The following ZNF267 variants were observed in gnomAD, a reference collection of about 807,000 sequenced individuals.
The protein encoded by ZNF267 is zinc finger (C2H2).
Under a neutral mutation model 71.6 loss-of-function variants are expected in ZNF267, and 61 were observed. The ratio of observed to expected loss-of-function variants is 0.85; its 90% CI spans 0.69 to 1.05. ZNF267 has a LOEUF of 1.05. Among genes scored for constraint, ZNF267 ranks in the 50% least tolerant of loss-of-function variants. ZNF267 has a pLI of 0.00. For synonymous variants in ZNF267, 288 were observed against 293.2 expected (o/e 0.98, Z 0.18); for missense variants, 852 against 870.0 (o/e 0.98, Z 0.26).
Position 31,915,064 on chromosome 16 carries a change from G to T in ZNF267, c.815G>T (p.Cys272Phe). Reference protein sequence around the residue: ...KQEQSYKCNKCVEVCTQSLKH... With the variant: ...KQEQSYKCNKFVEVCTQSLKH... ...GAACAGTCTTACAAATGTAATAAATGTGTAGAAGTTTGTACCCAGTCATTA... is the reference window on the plus strand; with the variant it reads ...GAACAGTCTTACAAATGTAATAAATTTGTAGAAGTTTGTACCCAGTCATTA... Residue 272 changes from cysteine to phenylalanine, a missense_variant, in exon 4 of 4, where the codon TGT becomes TTT. Transcript: ENST00000300870. The T allele has an allele frequency of 6.2e-7, 1 of 1,613,378 alleles. No homozygotes were observed. Among genetic ancestry groups the T allele is most frequent in the Non-Finnish European group, 8.5e-7 (1 of 1,179,766 alleles).
At chr16:31,898,222 T>C (rs1400379234) in intron 3 of ZNF267, among the ~76,000 whole-genome samples, 1 of 152,186 alleles carries the variant, frequency 6.6e-6, no homozygotes, top group African/African-American at 2.4e-5. Flanking sequence ...TATTATATAA[T>C]GCCCTTTCTT....
intron 3 of ZNF267, among the ~76,000 whole-genome samples, chr16:31,900,379 T>C (rs1176449301): frequency 1.3e-5 from 2 of 152,222 alleles, no homozygotes; most frequent in African/African-American, 4.8e-5. Flanking sequence ...CTGACTCCTT[T>C]AGCATTTCTT....
intron 3 of ZNF267, among the ~76,000 whole-genome samples, chr16:31,909,613 G>C (rs536558991): frequency 6.6e-6 from 1 of 152,248 alleles, no homozygotes; most frequent in East Asian, 1.9e-4. Flanking sequence ...ATGTTTGTAT[G>C]TTCATTTTAT....
chr16:31,898,510 C>T (rs1261455732), intron 3 of ZNF267, among the ~76,000 whole-genome samples: 3 of 149,774 alleles, frequency 2.0e-5, no homozygotes, highest in African/African-American at 7.3e-5. Flanking sequence ...TTTTTTGTTT[C>T]TGTTTTCCTC....
rs564226773 is a variant in ZNF267 at position 31,874,758 on chromosome 16, A to G, written c.3+789A>G. On this transcript the variant is annotated intron_variant, in intron 1 of 3. Coordinates refer to ENST00000300870, the MANE Select transcript of ZNF267 (RefSeq NM_003414.6). ...ACTGGTTTTCCCCCTGCGCTTTCCT[A>G]ACGTGTAGCACGCAGAGTCTCAAGT... Among the ~76,000 whole-genome samples the G allele has an allele frequency of 1.6e-4, 24 of 152,214 alleles. No individual in the cohort carries two copies. In the East Asian group the frequency reaches 4.4e-3, roughly 28 times the overall value.
At chr16:31,907,880 GAAA>G (rs879893124) in intron 3 of ZNF267, among the ~76,000 whole-genome samples, 1 of 141,672 alleles carries the variant, frequency 7.1e-6, no homozygotes, top group African/African-American at 2.6e-5. Flanking sequence ...ACTAAAAATT[GAAA>G]AAAAAAAAAA....
At chr16:31,881,425 G>A (rs1317532943) in intron 1 of ZNF267, among the ~76,000 whole-genome samples, 1 of 152,100 alleles carries the variant, frequency 6.6e-6, no homozygotes. Context: ...GGCCGCTGCT[G>A]CCATCTCTTC....
intron 3 of ZNF267, among the ~76,000 whole-genome samples, chr16:31,899,842 CATATG>C (rs1596623225): frequency 6.6e-6 from 1 of 152,046 alleles, no homozygotes; most frequent in South Asian, 2.1e-4. Context: ...ATGATATACT[CATATG>C]AGTGTATTTT....
chr16:31,905,170 G>C (rs899345883), intron 3 of ZNF267, among the ~76,000 whole-genome samples: 19 of 152,168 alleles, frequency 1.2e-4, no homozygotes, highest in Non-Finnish European at 2.5e-4. Context: ...TAGTCTGATG[G>C]GCTTCCCTTT....
intron 3 of ZNF267, among the ~76,000 whole-genome samples, chr16:31,903,676 C>G (rs2084061707): frequency 6.6e-6 from 1 of 152,144 alleles, no homozygotes; most frequent in Non-Finnish European, 1.5e-5. Flanking sequence ...ATTCTTCTCT[C>G]TTTTCTTCTT....
chr16:31,882,463 C>T (rs904777784), intron 1 of ZNF267, among the ~76,000 whole-genome samples: 5 of 152,210 alleles, frequency 3.3e-5, no homozygotes, highest in Non-Finnish European at 7.3e-5. Context: ...GCAACATCAG[C>T]ATTGACAGGG....
chr16:31,902,263 T>A (rs1438998292), intron 3 of ZNF267, among the ~76,000 whole-genome samples: 3 of 152,140 alleles, frequency 2.0e-5, no homozygotes, highest in Admixed American at 6.5e-5. Flanking sequence ...CTTAGGATTG[T>A]CTTGGTGATG....
intron 3 of ZNF267, among the ~76,000 whole-genome samples, chr16:31,903,825 C>T (rs897705095): frequency 6.6e-6 from 1 of 152,028 alleles, no homozygotes; most frequent in African/African-American, 2.4e-5. Context: ...TTGCCTTCTG[C>T]TAGCTTTTGA....
intron 3 of ZNF267, among the ~76,000 whole-genome samples, chr16:31,886,212 C>T (rs1163717924): frequency 6.6e-6 from 1 of 152,082 alleles, no homozygotes; most frequent in African/African-American, 2.4e-5. Context: ...AGTTAATTAC[C>T]ACATCAGTCA....
chr16:31,907,127 CA>C (rs1210255869), intron 3 of ZNF267, among the ~76,000 whole-genome samples: 1 of 152,074 alleles, frequency 6.6e-6, no homozygotes, highest in Admixed American at 6.5e-5. Context: ...TTTCTGACTT[CA>C]AGATTCTCTT....
Position 31,915,127 on chromosome 16 carries a change from A to C in ZNF267, c.878A>C (p.Asn293Thr). 6.2e-7 allele frequency: 1 copy of C among 1,613,394 alleles called. No individual in the cohort carries two copies. The highest frequency in any genetic ancestry group is 8.5e-7 in the Non-Finnish European group (1 of 1,179,756). Residue 293 changes from asparagine to threonine, a missense_variant, in exon 4 of 4, where the codon AAC becomes ACC. Asn to Thr is a moderately conservative substitution (Grantham distance 65). Transcript: ENST00000300870. ...CATCAGACCATCCATATCAGAGAAA[A>C]CTCATATAGCTATAACAAATATGAT... ...IQHQTIHIRENSYSYNKYDKD... is the reference protein window; with the variant it reads ...IQHQTIHIRETSYSYNKYDKD...
At chr16:31,877,405 A>G (rs908577414) in intron 1 of ZNF267, among the ~76,000 whole-genome samples, 10 of 152,176 alleles carry the variant, frequency 6.6e-5, no homozygotes, top group Admixed American at 5.9e-4. Context: ...ACTTTCTTTC[A>G]CAGGGAGGAG....
At chr16:31,874,496 A>G (rs933588053) in intron 1 of ZNF267, among the ~76,000 whole-genome samples, 2 of 152,244 alleles carry the variant, frequency 1.3e-5, no homozygotes, top group Admixed American at 6.5e-5. Context: ...TGCATGAGGA[A>G]GCAGACCAAA....
At chr16:31,907,942 C>G (rs2084104596) in intron 3 of ZNF267, among the ~76,000 whole-genome samples, 1 of 151,772 alleles carries the variant, frequency 6.6e-6, no homozygotes, top group Non-Finnish European at 1.5e-5. Flanking sequence ...ACTCAGGAGG[C>G]TGAGGCAGGA....
Sources: allele counts gnomAD v4.1 joint callset (sites outside exome capture counted in the v4.1 genomes callset), GRCh38; gene constraint gnomAD v4.1.1; transcripts MANE v1.5; gene names NCBI Gene and HGNC (gene_info 2026-07-23, HGNC 2026-07-21).